The following NXPE2 variants were observed in gnomAD, a reference collection of about 807,000 sequenced individuals.
NXPE2 encodes neurexophilin and PC-esterase domain family member 2, also known as NXPE family member 2.
NXPE2 carries 34 observed loss-of-function variants against 34.4 expected under a neutral mutation model. That is an observed-to-expected ratio of 0.99 (90% CI 0.75 to 1.31). The LOEUF (loss-of-function observed/expected upper bound fraction) is 1.31. Ranked by LOEUF, NXPE2 falls within the 40% of genes most tolerant of loss-of-function variation. The pLI is 0.00. For missense variants in NXPE2, 649 were observed against 672.5 expected, an observed-to-expected ratio of 0.97 and a Z score of 0.39; for synonymous variants, 235 against 231.3, an observed-to-expected ratio of 1.02 and a Z score of -0.15.
the NXPE2 span, among the ~76,000 whole-genome samples, chr11:114,561,210 TACA>T: frequency 6.6e-6 from 1 of 152,228 alleles, no homozygotes; most frequent in Non-Finnish European, 1.5e-5. Flanking sequence ...TTAATACATG[TACA>T]ACATTTAAAA....
chr11:114,727,774 A>AACACAC, the NXPE2 span, among the ~76,000 whole-genome samples: 12,427 of 127,268 alleles, frequency 0.098, 628 homozygotes, highest in East Asian at 0.23. Flanking sequence ...ATGTGTACAC[A>AACACAC]ACACACACAC....
the NXPE2 span, among the ~76,000 whole-genome samples, chr11:114,519,240 G>C: frequency 4.6e-5 from 7 of 152,082 alleles, no homozygotes; most frequent in Non-Finnish European, 8.8e-5. Flanking sequence ...TTGGCAAAAA[G>C]GTTCATTCTG....
the NXPE2 span, among the ~76,000 whole-genome samples, chr11:114,650,638 G>A: frequency 6.6e-6 from 1 of 152,172 alleles, no homozygotes; most frequent in East Asian, 1.9e-4. Context: ...GGAAGGGGCA[G>A]GAAGCTGTCT....
chr11:114,517,466 G>A, the NXPE2 span, among the ~76,000 whole-genome samples: 4 of 152,156 alleles, frequency 2.6e-5, no homozygotes, highest in Non-Finnish European at 5.9e-5. Flanking sequence ...TCAGTTCACA[G>A]AAGATTTATT....
At chr11:114,626,788 G>T in the NXPE2 span, among the ~76,000 whole-genome samples, 5 of 152,104 alleles carry the variant, frequency 3.3e-5, no homozygotes, top group Non-Finnish European at 5.9e-5. Flanking sequence ...TTAGAATAAT[G>T]TATAACTAGA....
chr11:114,537,430 A>G, the NXPE2 span, among the ~76,000 whole-genome samples: 7 of 152,078 alleles, frequency 4.6e-5, no homozygotes, highest in Non-Finnish European at 1.0e-4. Flanking sequence ...GTTCTGGCCA[A>G]GAAAATGAGG....
At chr11:114,564,923 C>CG in the NXPE2 span, among the ~76,000 whole-genome samples, 1 of 152,082 alleles carries the variant, frequency 6.6e-6, no homozygotes, top group African/African-American at 2.4e-5. Context: ...GATTATCTCT[C>CG]TAGTTGGATA....
At chr11:114,773,716 T>C in the NXPE2 span, among the ~76,000 whole-genome samples, 1 of 152,164 alleles carries the variant, frequency 6.6e-6, no homozygotes, top group Non-Finnish European at 1.5e-5. Context: ...TAAAGTAGAT[T>C]GCCTTCCCCA....
intron 2 of NXPE2, among the ~76,000 whole-genome samples, chr11:114,689,215 G>A (rs1431053346): frequency 6.6e-6 from 1 of 152,022 alleles, no homozygotes; most frequent in African/African-American, 2.4e-5. Context: ...TCTTGATGCA[G>A]GGATTTAGCA....
At chr11:114,748,979 G>C in the NXPE2 span, among the ~76,000 whole-genome samples, 1 of 152,158 alleles carries the variant, frequency 6.6e-6, no homozygotes, top group Non-Finnish European at 1.5e-5. Context: ...TGCCTCTTCA[G>C]ATAGGCTTCT....
the NXPE2 span, among the ~76,000 whole-genome samples, chr11:114,635,268 CT>C: frequency 6.7e-6 from 1 of 149,650 alleles, no homozygotes; most frequent in African/African-American, 2.5e-5. Flanking sequence ...CTCTGTTTGT[CT>C]GTTGTTGGTG....
chr11:114,550,963 G>C, the NXPE2 span: 3 of 586,182 alleles, frequency 5.1e-6, no homozygotes, highest in South Asian at 6.6e-5. Flanking sequence ...CCTCTAAGGA[G>C]TTAGGTAGAG....
At chr11:114,513,258 T>C in the NXPE2 span, 1 of 517,342 alleles carries the variant, frequency 1.9e-6, no homozygotes, top group Non-Finnish European at 3.9e-6. Context: ...GTGGCTGTGC[T>C]GTGTGCAGCA....
At chr11:114,632,657 A>G in the NXPE2 span, among the ~76,000 whole-genome samples, 5 of 91,398 alleles carry the variant, frequency 5.5e-5, no homozygotes, top group Non-Finnish European at 7.6e-5. Context: ...AATGTAAAAT[A>G]AATATATAGT....
At chr11:114,711,315 G>A (rs1268939301), downstream of NXPE2, among the ~76,000 whole-genome samples, 1 of 151,898 alleles carries the variant, frequency 6.6e-6, no homozygotes, top group Non-Finnish European at 1.5e-5. Context: ...ACACACAATT[G>A]GAAAAGCAGA....
chr11:114,505,154 A>G, the NXPE2 span, among the ~76,000 whole-genome samples: 1 of 152,176 alleles, frequency 6.6e-6, no homozygotes, highest in African/African-American at 2.4e-5. Flanking sequence ...GCTTTCTGAA[A>G]TAAGACAGGC....
chr11:114,538,981 A>G, the NXPE2 span, among the ~76,000 whole-genome samples: 1 of 149,952 alleles, frequency 6.7e-6, no homozygotes, highest in Non-Finnish European at 1.5e-5. Flanking sequence ...AGACACATGC[A>G]CACGTGTGTT....
the NXPE2 span, chr11:114,523,232 C>G: frequency 3.2e-6 from 2 of 631,630 alleles, no homozygotes; most frequent in East Asian, 5.4e-5. Context: ...TAGTCCTATT[C>G]TTTGATCATT....
chr11:114,622,614 CTG>C, the NXPE2 span, among the ~76,000 whole-genome samples: 26 of 152,006 alleles, frequency 1.7e-4, no homozygotes, highest in African/African-American at 5.3e-4. Context: ...TGGGTAAACA[CTG>C]TTACCCAGTG....
Sources: allele counts gnomAD v4.1 joint callset (sites outside exome capture counted in the v4.1 genomes callset), GRCh38; gene constraint gnomAD v4.1.1; transcripts MANE v1.5; gene names NCBI Gene and HGNC (gene_info 2026-07-23, HGNC 2026-07-21).